Variants in SPRED2 observed in about 807,000 individuals in gnomAD.
SPRED2 encodes the protein sprouty related EVH1 domain containing 2.
In SPRED2, 47 loss-of-function variants were observed where a neutral mutation model predicts 43.0. That is an observed-to-expected ratio of 1.09 (90% CI 0.87 to 1.40). SPRED2 has a LOEUF of 1.40. SPRED2 is among the 40% of genes most tolerant of loss of function. SPRED2 has a pLI of 0.00. For synonymous variants in SPRED2, 225 were observed against 225.7 expected (o/e 1.00, Z 0.03); for missense variants, 561 against 586.4 (o/e 0.96, Z 0.45).
chr2:65,417,200 G>A (rs1024786443), intron 1 of SPRED2, among the ~76,000 whole-genome samples: 1 of 152,110 alleles, frequency 6.6e-6, no homozygotes, highest in African/African-American at 2.4e-5. Context: ...GCAAACACAT[G>A]GGGAGAACAG....
intron 4 of SPRED2, among the ~76,000 whole-genome samples, chr2:65,324,692 C>T (rs568571582): frequency 2.6e-5 from 4 of 152,088 alleles, no homozygotes; most frequent in Non-Finnish European, 5.9e-5. Context: ...ACCTCTCTGA[C>T]CAAGGGAAGC....
intron 5 of SPRED2, among the ~76,000 whole-genome samples, chr2:65,316,137 C>T (rs544799498): frequency 1.3e-5 from 2 of 152,386 alleles, no homozygotes; most frequent in Non-Finnish European, 1.5e-5. Context: ...CCCACACAGG[C>T]ACCAGTCCAT....
intron 1 of SPRED2, chr2:65,366,728 C>G: frequency 6.6e-7 from 1 of 1,507,162 alleles, no homozygotes; most frequent in Non-Finnish European, 8.9e-7. Flanking sequence ...GAAGTGGTTT[C>G]CCCCATATAT....
intron 4 of SPRED2, among the ~76,000 whole-genome samples, chr2:65,326,544 G>C (rs557228124): frequency 2.0e-5 from 3 of 152,282 alleles, no homozygotes; most frequent in Non-Finnish European, 4.4e-5. Flanking sequence ...GTTTGAGGCA[G>C]CTGCTGGTGG....
At chr2:65,371,747 T>A (rs1368910398) in intron 1 of SPRED2, among the ~76,000 whole-genome samples, 2 of 151,156 alleles carry the variant, frequency 1.3e-5, no homozygotes, top group East Asian at 4.0e-4. Context: ...ATGAAATGCA[T>A]ATGGGCTATT....
At chr2:65,425,925 G>C (rs1384837413) in intron 1 of SPRED2, among the ~76,000 whole-genome samples, 1 of 152,180 alleles carries the variant, frequency 6.6e-6, no homozygotes, top group Non-Finnish European at 1.5e-5. Context: ...ATTATCACTT[G>C]TTCAATTTCT....
intron 1 of SPRED2, among the ~76,000 whole-genome samples, chr2:65,415,322 C>A (rs1353925212): frequency 6.6e-6 from 1 of 152,164 alleles, no homozygotes; most frequent in African/African-American, 2.4e-5. Context: ...TAAAACCTGG[C>A]ATCAGTCTTT....
Position 65,310,926 on chromosome 2 carries a change from T to C in SPRED2, c.*2575A>G, listed in dbSNP as rs942387661. 38 of 984,238 alleles carry C rather than the reference T, an allele frequency of 3.9e-5. No homozygotes were observed. The highest frequency in any genetic ancestry group is 4.3e-5 in the Non-Finnish European group (36 of 828,646). The allele number at this position is 984,238 out of a possible 1,614,324, so 61.0% of individuals were successfully genotyped here. ...CATTGGTCATACATATTAGAAACCA[T>C]AAAAAAAAGTTAAGAACTAAAATGT... On this transcript the variant is annotated 3_prime_UTR_variant, in exon 6 of 6. Transcript: ENST00000356388.
chr2:65,397,169 T>C (rs1469442432), intron 1 of SPRED2, among the ~76,000 whole-genome samples: 3 of 152,104 alleles, frequency 2.0e-5, no homozygotes, highest in African/African-American at 7.2e-5. Context: ...GTAGAAAAAT[T>C]TTGATAAAGA....
At chr2:65,419,677 T>C (rs1168367733) in intron 1 of SPRED2, among the ~76,000 whole-genome samples, 1 of 152,116 alleles carries the variant, frequency 6.6e-6, no homozygotes. Context: ...TTCAGTAGTA[T>C]TGTAATAAGG....
chr2:65,327,848 G>C (rs371832654), intron 4 of SPRED2, among the ~76,000 whole-genome samples: 1 of 149,762 alleles, frequency 6.7e-6, no homozygotes, highest in South Asian at 2.1e-4. Context: ...CTCAGCCTCC[G>C]GAGTAGCTGG....
chr2:65,380,342 C>T (rs927568248), intron 1 of SPRED2, among the ~76,000 whole-genome samples: 5 of 152,158 alleles, frequency 3.3e-5, no homozygotes, highest in African/African-American at 9.7e-5. Context: ...GTCAAGGCTG[C>T]GTACTCATCC....
intron 1 of SPRED2, among the ~76,000 whole-genome samples, chr2:65,346,259 C>T (rs1674346135): frequency 6.6e-6 from 1 of 152,024 alleles, no homozygotes; most frequent in African/African-American, 2.4e-5. Context: ...ACTGATCTCC[C>T]TTGGCCCCCC....
chr2:65,312,776 G>A lies in SPRED2; in HGVS notation c.*725C>T. On this transcript the variant is annotated 3_prime_UTR_variant, in exon 6 of 6. Coordinates refer to ENST00000356388, the MANE Select transcript of SPRED2 (RefSeq NM_181784.3). ...TCTCACAAGTTAATCTGAAGTTAAG[G>A]CTCAATTCTCAGTCTATTACGGGTG... 1 of 985,832 alleles carries A rather than the reference G, an allele frequency of 1.0e-6. No homozygotes were observed. The highest frequency in any genetic ancestry group is 1.2e-6 in the Non-Finnish European group (1 of 829,934). The allele number at this position is 985,832 out of a possible 1,614,324, so 61.1% of individuals were successfully genotyped here.
At chr2:65,431,938 G>A in intron 1 of SPRED2, 24 bp downstream of exon 1, 1 of 1,613,410 alleles carries the variant, frequency 6.2e-7, no homozygotes, top group Non-Finnish European at 8.5e-7. Flanking sequence ...GGGCACCCTC[G>A]TCCCACCCCG....
intron 4 of SPRED2, among the ~76,000 whole-genome samples, chr2:65,317,238 C>A (rs140526825): frequency 6.6e-6 from 1 of 152,118 alleles, no homozygotes; most frequent in Non-Finnish European, 1.5e-5. Flanking sequence ...CCTGGCCAGG[C>A]GCGGGGGCTC....
At chr2:65,403,379 T>G (rs967727205) in intron 1 of SPRED2, among the ~76,000 whole-genome samples, 1 of 152,188 alleles carries the variant, frequency 6.6e-6, no homozygotes, top group Non-Finnish European at 1.5e-5. Flanking sequence ...GCTCAAGTGA[T>G]CCTCCTGCCT....
At chr2:65,382,963 A>T (rs1675406881) in intron 1 of SPRED2, among the ~76,000 whole-genome samples, 1 of 152,126 alleles carries the variant, frequency 6.6e-6, no homozygotes, top group African/African-American at 2.4e-5. Flanking sequence ...AAAATGTGGC[A>T]TCCCAGCCCC....
At position 65,312,330 on chromosome 2, in the gene SPRED2, A is replaced by G. The variant is rs1421754065; in HGVS notation, c.*1171T>C. The G allele has an allele frequency of 1.0e-6, 1 of 985,276 alleles. No homozygotes were observed. The highest frequency in any genetic ancestry group is 1.1e-4 in the East Asian group (1 of 8,828). The allele number at this position is 985,276 out of a possible 1,614,324, so 61.0% of individuals were successfully genotyped here. A position where few individuals can be genotyped will look rare whatever the true frequency, so the allele number is the denominator to read the frequency against. On this transcript the variant is annotated 3_prime_UTR_variant, in exon 6 of 6. Transcript: ENST00000356388. ...CCAAGTATAAATGAGGAATTTGGTG[A>G]TGTGAAATTGAGTCCAAAATGAAAC...
Sources: allele counts gnomAD v4.1 joint callset (sites outside exome capture counted in the v4.1 genomes callset), GRCh38; gene constraint gnomAD v4.1.1; transcripts MANE v1.5; gene names NCBI Gene and HGNC (gene_info 2026-07-23, HGNC 2026-07-21).